Variants in ARL8B observed in about 807,000 individuals in gnomAD.
ARL8B encodes ADP-ribosylation factor-like protein 8B.
Under a neutral mutation model 30.6 loss-of-function variants are expected in ARL8B, and 9 were observed. The observed-to-expected ratio is 0.29, with a 90% confidence interval of 0.18 to 0.51. ARL8B has a LOEUF of 0.51. Ranked by LOEUF, ARL8B falls within the 20% of genes least tolerant of loss-of-function variation. The pLI, the probability that ARL8B is intolerant of heterozygous loss-of-function variation, is 0.97. For missense variants in ARL8B, 130 were observed against 227.2 expected (o/e 0.57, Z 2.75); for synonymous variants, 74 against 76.0 (o/e 0.97, Z 0.14).
intron 1 of ARL8B, among the ~76,000 whole-genome samples, chr3:5,149,742 T>C (rs140013142): frequency 0.011 from 1,697 of 152,324 alleles, 32 homozygotes; most frequent in African/African-American, 0.038. Context: ...GCTGTGCAGT[T>C]TGTTACATCC....
chr3:5,144,698 A>T (rs950794127), intron 1 of ARL8B, among the ~76,000 whole-genome samples: 3 of 152,176 alleles, frequency 2.0e-5, no homozygotes, highest in African/African-American at 7.2e-5. Flanking sequence ...TTCTTCCTCC[A>T]GGGAGGCTTG....
chr3:5,133,125 A>G (rs1181360483), intron 1 of ARL8B, among the ~76,000 whole-genome samples: 2 of 152,204 alleles, frequency 1.3e-5, no homozygotes, highest in African/African-American at 2.4e-5. Flanking sequence ...AAGCAGGAAC[A>G]GTGGGAAAAG....
chr3:5,142,155 T>C (rs1406846357), intron 1 of ARL8B, among the ~76,000 whole-genome samples: 4 of 152,116 alleles, frequency 2.6e-5, no homozygotes, highest in African/African-American at 9.7e-5. Context: ...TGGTAACAAG[T>C]TGGGGAGGTT....
intron 1 of ARL8B, among the ~76,000 whole-genome samples, chr3:5,163,133 G>A (rs1664954435): frequency 6.6e-6 from 1 of 151,960 alleles, no homozygotes. Flanking sequence ...GACTACAGGT[G>A]TGTGCCACCA....
chr3:5,149,265 TC>T (rs2054457167), intron 1 of ARL8B, among the ~76,000 whole-genome samples: 1 of 152,204 alleles, frequency 6.6e-6, no homozygotes, highest in African/African-American at 2.4e-5. Flanking sequence ...GGAATAACAG[TC>T]TTGGGTTTGT....
At position 5,172,317 on chromosome 3, in the gene ARL8B, C is replaced by T; in HGVS notation, c.278+94C>T. ...GTATTTCCAGAGGCTCAATTTTTAT[C>T]TCAGGCAGTGAAAATCTTTCTTAGC... is the stretch of plus-strand genomic sequence containing the variant. On this transcript the variant is annotated intron_variant, in intron 3 of 6. Coordinates refer to ENST00000256496, the MANE Select transcript of ARL8B (RefSeq NM_018184.3). 2.7e-6 allele frequency: 3 copies of T among 1,101,960 alleles called. No individual in the cohort carries two copies. In the South Asian group the frequency reaches 4.4e-5, roughly 16 times the overall value. The allele number at this position is 1,101,960 out of a possible 1,614,324, so 68.3% of individuals were successfully genotyped here.
chr3:5,168,303 C>T (rs1226969807), intron 1 of ARL8B, among the ~76,000 whole-genome samples: 2 of 152,138 alleles, frequency 1.3e-5, no homozygotes, highest in East Asian at 1.9e-4. Flanking sequence ...ACTCCTGGGC[C>T]GCAGCAACCT....
rs530039706 is a variant in ARL8B, at chr3:5,168,080, C to G, written c.124-2423C>G. On this transcript the variant is annotated intron_variant, in intron 1 of 6. Transcript: ENST00000256496. ...TGGCCTATGTTTTTTTTGAGACATG[C>G]TCTCACTCTATTGTCTAGGCTGGAG... 2.6e-5 allele frequency among the ~76,000 whole-genome samples: 4 copies of G among 152,194 alleles called. No homozygotes were observed. The South Asian group carries it at 8.3e-4, about 32-fold the overall frequency.
chr3:5,160,638 G>T lies in ARL8B; in HGVS notation c.124-9865G>T, dbSNP rs1007019182. Among the ~76,000 whole-genome samples the T allele has an allele frequency of 2.6e-5, 4 of 152,206 alleles. No individual in the cohort carries two copies. The East Asian group carries it at 7.7e-4, about 29-fold the overall frequency. On this transcript the variant is annotated intron_variant, in intron 1 of 6. Transcript: ENST00000256496. ...TTAGAATTTTAGAATTGGAACGACA[G>T]CATGTAATTAGTTGGAGAGTTCCTA...
rs1559272028 is a variant in ARL8B, at chr3:5,122,299, C to T, written c.-167C>T. The T allele has an allele frequency of 2.0e-6, 3 of 1,504,320 alleles. No homozygotes were observed. 93.2% of individuals were successfully genotyped at this position (1,504,320 alleles called of 1,614,324 possible). Reference sequence around the variant, plus strand: ...TGGGGGGTAGGGCGAGTCATATGATCCGCTCGGCTTCCTGGGTCTGGCTGC... The same window carrying T: ...TGGGGGGTAGGGCGAGTCATATGATTCGCTCGGCTTCCTGGGTCTGGCTGC... On this transcript the variant is annotated 5_prime_UTR_variant, in exon 1 of 7. Coordinates refer to ENST00000256496, the MANE Select transcript of ARL8B (RefSeq NM_018184.3).
chr3:5,143,731 C>CTGTGAA (rs1288042152), intron 1 of ARL8B, among the ~76,000 whole-genome samples: 1 of 152,226 alleles, frequency 6.6e-6, no homozygotes, highest in African/African-American at 2.4e-5. Flanking sequence ...AAATGGTGAA[C>CTGTGAA]TGTGAACTCA....
intron 1 of ARL8B, among the ~76,000 whole-genome samples, chr3:5,131,539 C>T (rs778579345): frequency 2.6e-5 from 4 of 151,886 alleles, no homozygotes; most frequent in African/African-American, 4.8e-5. Context: ...TACAGGCGCA[C>T]GCCACCATGG....
At chr3:5,148,379 T>TA (rs1414249835) in intron 1 of ARL8B, among the ~76,000 whole-genome samples, 1 of 152,204 alleles carries the variant, frequency 6.6e-6, no homozygotes, top group Admixed American at 6.5e-5. Flanking sequence ...GTATCCCTCT[T>TA]ACACTGTTCT....
At chr3:5,157,234 T>A (rs1018120684) in intron 1 of ARL8B, among the ~76,000 whole-genome samples, 1 of 152,152 alleles carries the variant, frequency 6.6e-6, no homozygotes, top group African/African-American at 2.4e-5. Context: ...ATAGTTTAGT[T>A]CTCAAAGCCT....
At chr3:5,170,232 CAT>C (rs1214550379) in intron 1 of ARL8B, among the ~76,000 whole-genome samples, 2 of 152,080 alleles carry the variant, frequency 1.3e-5, no homozygotes, top group South Asian at 2.1e-4. Context: ...ATGTATTTGT[CAT>C]ATAAAATTCT....
Position 5,122,450 on chromosome 3 carries a change from G to GTCCGTTCTCC in ARL8B, c.-16_-15insTCCGTTCTCC. 6.2e-7 allele frequency: 1 copy of GTCCGTTCTCC among 1,612,036 alleles called. No individual in the cohort carries two copies. The highest frequency in any genetic ancestry group is 1.1e-5 in the South Asian group (1 of 90,974). On this transcript the variant is annotated 5_prime_UTR_variant, in exon 1 of 7. Coordinates refer to ENST00000256496, the MANE Select transcript of ARL8B (RefSeq NM_018184.3). ...CTCGTCCGTCCTCCCGTCCGTTCTCGCTCCCGGCCGCCATCATGCTGGCGC... is the reference window on the plus strand; with the variant it reads ...CTCGTCCGTCCTCCCGTCCGTTCTCGTCCGTTCTCCCTCCCGGCCGCCATCATGCTGGCGC...
rs1223066662 is a variant in ARL8B at position 5,179,346 on chromosome 3, G to A, written c.*633G>A. 2.0e-5 allele frequency: 3 copies of A among 152,304 alleles called. No homozygotes were observed. The highest frequency in any genetic ancestry group is 2.9e-5 in the Non-Finnish European group (2 of 68,060). The allele number at this position is 152,304 out of a possible 1,614,324, so 9.4% of individuals were successfully genotyped here. ...TCTTTGCACTGGTGAGATTCTGCCT[G>A]ATGAATATTAAAGATATCCTGCTTT... On this transcript the variant is annotated 3_prime_UTR_variant, in exon 7 of 7. Transcript: ENST00000256496.
At position 5,158,337 on chromosome 3, in the gene ARL8B, A is replaced by G. The variant is rs558517198; in HGVS notation, c.124-12166A>G. Among the ~76,000 whole-genome samples the G allele has an allele frequency of 4.1e-4, 62 of 152,240 alleles. No individual in the cohort carries two copies. In the South Asian group the frequency reaches 0.013, roughly 31 times the overall value. ...TTGTATTCAGTGGAAGGAACAGGTA[A>G]TGGTATTCAGTGGAAGGAACAGGTA... is the stretch of plus-strand genomic sequence containing the variant. On this transcript the variant is annotated intron_variant, in intron 1 of 6. Transcript: ENST00000256496.
intron 1 of ARL8B, among the ~76,000 whole-genome samples, chr3:5,139,986 TG>T (rs1272605216): frequency 1.0e-4 from 14 of 137,478 alleles, no homozygotes; most frequent in African/African-American, 2.1e-4. Flanking sequence ...TGATTAGTTT[TG>T]TTTTTTTTTT....
Sources: gnomAD v4.1 joint callset for allele counts (sites outside exome capture counted in the v4.1 genomes callset) on GRCh38, gnomAD v4.1.1 for gene constraint, MANE v1.5 for transcripts, NCBI Gene and HGNC (gene_info 2026-07-23, HGNC 2026-07-21) for gene names.